Variants in SGCZ observed in about 807,000 individuals in gnomAD.
The protein encoded by SGCZ is sarcoglycan zeta.
Under a neutral mutation model 41.3 loss-of-function variants are expected in SGCZ, and 40 were observed. That is an observed-to-expected ratio of 0.97 (90% CI 0.75 to 1.26). The LOEUF (loss-of-function observed/expected upper bound fraction) is 1.26. Ranked by LOEUF, SGCZ falls within the 50% of genes most tolerant of loss-of-function variation. SGCZ has a pLI of 0.00. For synonymous variants in SGCZ, 206 were observed against 137.5 expected (o/e 1.50, Z -3.49); for missense variants, 552 against 369.8 (o/e 1.49, Z -4.04).
chr8:14,713,553 A>C (rs1280160497), intron 1 of SGCZ, among the ~76,000 whole-genome samples: 1 of 152,158 alleles, frequency 6.6e-6, no homozygotes, highest in Non-Finnish European at 1.5e-5. Context: ...GGGTTGAACT[A>C]ATCTGCTAGG....
chr8:14,445,699 C>T (rs1327701400), intron 2 of SGCZ, among the ~76,000 whole-genome samples: 1 of 152,162 alleles, frequency 6.6e-6, no homozygotes, highest in Non-Finnish European at 1.5e-5. Context: ...AAAATGCTAT[C>T]ACACCAACTA....
chr8:14,086,348 G>T lies in SGCZ; in HGVS notation c.*4095C>A, dbSNP rs17118601. ...ATTAGACGCTCTCCAGGCTATTGCT[G>T]CCTCATACAGAGATACCATGTTTGC... is the stretch of plus-strand genomic sequence containing the variant. On this transcript the variant is annotated 3_prime_UTR_variant, in exon 8 of 8. Coordinates refer to ENST00000382080, the MANE Select transcript of SGCZ (RefSeq NM_139167.4). Among the ~76,000 whole-genome samples, 4,111 of 151,708 alleles carry T rather than the reference G, an allele frequency of 0.027. 178 individuals are homozygous for T. The highest frequency in any genetic ancestry group is 0.093 in the African/African-American group (3,856 of 41,468).
At chr8:15,013,635 G>C (rs893793791) in intron 1 of SGCZ, among the ~76,000 whole-genome samples, 3 of 152,110 alleles carry the variant, frequency 2.0e-5, no homozygotes, top group Non-Finnish European at 1.5e-5. Flanking sequence ...GACAGACCTG[G>C]TTTCAAATTT....
At chr8:14,357,485 C>T (rs967470114) in intron 2 of SGCZ, among the ~76,000 whole-genome samples, 7 of 152,136 alleles carry the variant, frequency 4.6e-5, no homozygotes, top group Non-Finnish European at 7.3e-5. Flanking sequence ...TCTTAGAATG[C>T]TATCGCAGTA....
intron 1 of SGCZ, among the ~76,000 whole-genome samples, chr8:14,868,938 C>T (rs763908138): frequency 6.6e-6 from 1 of 152,028 alleles, no homozygotes; most frequent in Non-Finnish European, 1.5e-5. Context: ...GGAATCGAGG[C>T]AGTAATTAAT....
intron 1 of SGCZ, among the ~76,000 whole-genome samples, chr8:14,697,327 T>C (rs1051353805): frequency 2.6e-5 from 4 of 152,022 alleles, no homozygotes; most frequent in African/African-American, 9.7e-5. Context: ...AATGTGAAAC[T>C]AATCATACCT....
At chr8:14,219,118 TTTC>T (rs1806100921) in intron 4 of SGCZ, among the ~76,000 whole-genome samples, 2 of 152,220 alleles carry the variant, frequency 1.3e-5, no homozygotes, top group Non-Finnish European at 2.9e-5. Flanking sequence ...CAATGAGCCA[TTTC>T]TCAATTGGAT....
intron 1 of SGCZ, among the ~76,000 whole-genome samples, chr8:14,607,957 C>CA (rs1256874165): frequency 6.6e-6 from 1 of 152,088 alleles, no homozygotes; most frequent in African/African-American, 2.4e-5. Flanking sequence ...CTGTAAAAGA[C>CA]AAAAACCAGC....
At chr8:14,294,286 A>G (rs1357733713) in intron 3 of SGCZ, among the ~76,000 whole-genome samples, 1 of 151,926 alleles carries the variant, frequency 6.6e-6, no homozygotes, top group Non-Finnish European at 1.5e-5. Flanking sequence ...AAAGGTAGAA[A>G]TATGTCATTC....
At chr8:14,511,236 G>T (rs1290774194) in intron 2 of SGCZ, among the ~76,000 whole-genome samples, 1 of 151,148 alleles carries the variant, frequency 6.6e-6, no homozygotes, top group African/African-American at 2.4e-5. Context: ...TGTAGGGAAA[G>T]CCTGTGATAT....
intron 2 of SGCZ, among the ~76,000 whole-genome samples, chr8:14,497,548 T>G (rs572665075): frequency 1.3e-5 from 2 of 150,920 alleles, no homozygotes; most frequent in Non-Finnish European, 3.0e-5. Flanking sequence ...ATTATGAGCT[T>G]TGTGTGTGCG....
intron 1 of SGCZ, among the ~76,000 whole-genome samples, 188 bp downstream of exon 1, chr8:15,237,397 G>T (rs566725678): frequency 6.6e-6 from 1 of 152,200 alleles, no homozygotes; most frequent in Admixed American, 6.5e-5. Context: ...CCTGGCTCGG[G>T]AGAACCACCC....
Position 14,750,209 on chromosome 8 carries a change from A to G in SGCZ, c.40-195283T>C, listed in dbSNP as rs117363618. ...AAACATAAGCAGATGGAAACAAGAT[A>G]AGCTAAAGAGATTACTTTCCTGTTA... is the stretch of plus-strand genomic sequence containing the variant. On this transcript the variant is annotated intron_variant, in intron 1 of 7. Transcript: ENST00000382080. 2.8e-4 allele frequency among the ~76,000 whole-genome samples: 43 copies of G among 152,112 alleles called. 1 individual carries two copies. In the East Asian group the frequency reaches 8.3e-3, roughly 29 times the overall value.
chr8:14,598,621 C>T (rs891364816), intron 1 of SGCZ, among the ~76,000 whole-genome samples: 1 of 151,856 alleles, frequency 6.6e-6, no homozygotes, highest in Admixed American at 6.6e-5. Context: ...TCGACCCCCC[C>T]GGGCTCAAGT....
chr8:14,600,897 AT>A (rs58649389), intron 1 of SGCZ, among the ~76,000 whole-genome samples: 3,152 of 147,948 alleles, frequency 0.021, 107 homozygotes, highest in African/African-American at 0.07. Flanking sequence ...GCCTTCTGAT[AT>A]TTTTTTTTTT....
At chr8:14,187,727 G>C (rs544923589) in intron 4 of SGCZ, among the ~76,000 whole-genome samples, 1 of 152,088 alleles carries the variant, frequency 6.6e-6, no homozygotes, top group Non-Finnish European at 1.5e-5. Flanking sequence ...GTGAACGTGT[G>C]TGTAATAGGA....
chr8:14,796,880 AT>A (rs1406159842), intron 1 of SGCZ, among the ~76,000 whole-genome samples: 16 of 152,192 alleles, frequency 1.1e-4, no homozygotes, highest in African/African-American at 3.9e-4. Context: ...TGATGGTTTT[AT>A]AAGGGGATTC....
intron 2 of SGCZ, among the ~76,000 whole-genome samples, chr8:14,511,520 G>C (rs1802468036): frequency 2.6e-5 from 4 of 151,998 alleles, no homozygotes. Context: ...AGGTTGGCCA[G>C]TGAGAGAAGA....
chr8:15,135,170 G>A (rs1225361424), intron 1 of SGCZ, among the ~76,000 whole-genome samples: 1 of 152,118 alleles, frequency 6.6e-6, no homozygotes, highest in East Asian at 1.9e-4. Flanking sequence ...TTATGGTTCT[G>A]AGCATTCAGT....
Sources: allele counts gnomAD v4.1 joint callset (sites outside exome capture counted in the v4.1 genomes callset), GRCh38; gene constraint gnomAD v4.1.1; transcripts MANE v1.5; gene names NCBI Gene and HGNC (gene_info 2026-07-23, HGNC 2026-07-21).